The following SAMD12 variants were observed in gnomAD, a reference collection of about 807,000 sequenced individuals.
SAMD12 encodes sterile alpha motif domain containing 12.
SAMD12 carries 9 observed loss-of-function variants against 15.0 expected under a neutral mutation model. The ratio of observed to expected loss-of-function variants is 0.60; its 90% CI spans 0.36 to 1.05. SAMD12 has a LOEUF of 1.05. Ranked by LOEUF, SAMD12 falls within the 50% of genes least tolerant of loss-of-function variation. SAMD12 has a pLI of 0.01. For missense variants in SAMD12, 230 were observed against 234.2 expected (o/e 0.98, Z 0.12); for synonymous variants, 86 against 90.1 (o/e 0.96, Z 0.25).
chr8:118,523,028 G>A (rs1425634473), intron 2 of SAMD12, among the ~76,000 whole-genome samples: 1 of 152,080 alleles, frequency 6.6e-6, no homozygotes, highest in African/African-American at 2.4e-5. Context: ...ATTTTATTGG[G>A]CTTTACAAAA....
intron 3 of SAMD12, among the ~76,000 whole-genome samples, chr8:118,421,245 G>A (rs2130844527): frequency 6.6e-6 from 1 of 152,210 alleles, no homozygotes; most frequent in Admixed American, 6.5e-5. Context: ...GCATATAGTA[G>A]ATGCTCAATA....
intron 4 of SAMD12, among the ~76,000 whole-genome samples, chr8:118,211,203 G>T (rs539691631): frequency 6.6e-6 from 1 of 152,316 alleles, no homozygotes; most frequent in African/African-American, 2.4e-5. Context: ...GGAAGGGATT[G>T]TGTTTAAGCA....
At chr8:118,352,784 A>C (rs1818020533) in intron 4 of SAMD12, among the ~76,000 whole-genome samples, 1 of 152,180 alleles carries the variant, frequency 6.6e-6, no homozygotes, top group African/African-American at 2.4e-5. Context: ...TGCACTAAGA[A>C]ATGCAGCTAA....
At chr8:118,483,218 A>G (rs1353247803) in intron 2 of SAMD12, among the ~76,000 whole-genome samples, 1 of 152,234 alleles carries the variant, frequency 6.6e-6, no homozygotes, top group Non-Finnish European at 1.5e-5. Flanking sequence ...AATCAAGACA[A>G]TAACTGGGAG....
the SAMD12 span, among the ~76,000 whole-genome samples, chr8:118,175,492 T>G: frequency 1.3e-5 from 2 of 152,200 alleles, no homozygotes. Flanking sequence ...ATTTGACAAG[T>G]GGGAGCTTAT....
chr8:118,284,360 T>G (rs1405768473), intron 4 of SAMD12: 11 of 455,988 alleles, frequency 2.4e-5, no homozygotes, highest in Admixed American at 4.7e-5. Flanking sequence ...TTCTGTAAAT[T>G]TTCACACTGA....
chr8:118,165,141 A>C, the SAMD12 span, among the ~76,000 whole-genome samples: 1 of 152,180 alleles, frequency 6.6e-6, no homozygotes, highest in African/African-American at 2.4e-5. Context: ...CTCACTTCAG[A>C]TGTTAACTGC....
intron 2 of SAMD12, among the ~76,000 whole-genome samples, chr8:118,474,276 T>A (rs1446248800): frequency 6.6e-6 from 1 of 152,092 alleles, no homozygotes; most frequent in Non-Finnish European, 1.5e-5. Context: ...CTATTTTTAT[T>A]CAAAGCCCAA....
intron 1 of SAMD12, among the ~76,000 whole-genome samples, chr8:118,620,587 C>T (rs896839318): frequency 1.3e-5 from 2 of 152,122 alleles, no homozygotes; most frequent in Admixed American, 1.3e-4. Flanking sequence ...AAGAGTTTCC[C>T]GAGTTTATGG....
intron 4 of SAMD12, among the ~76,000 whole-genome samples, chr8:118,330,480 TGAAGAAA>T (rs1195206281): frequency 6.6e-6 from 1 of 152,084 alleles, no homozygotes; most frequent in Admixed American, 6.5e-5. Context: ...AAACATGGAA[TGAAGAAA>T]GTTCCTCAAC....
At chr8:118,515,120 G>A (rs1292913330) in intron 2 of SAMD12, among the ~76,000 whole-genome samples, 5 of 150,964 alleles carry the variant, frequency 3.3e-5, no homozygotes, top group Non-Finnish European at 4.4e-5. Context: ...CTGGGTTCAC[G>A]CCATTCTCCT....
chr8:118,319,865 T>G (rs1816141689), intron 4 of SAMD12, among the ~76,000 whole-genome samples: 1 of 152,168 alleles, frequency 6.6e-6, no homozygotes, highest in Non-Finnish European at 1.5e-5. Flanking sequence ...GCCTCTGGGA[T>G]AGAAAGGTGA....
At chr8:118,189,569 C>G (rs993284413) in exon 5 of SAMD12, 1 of 152,060 alleles carries the variant, frequency 6.6e-6, no homozygotes, top group African/African-American at 2.4e-5. Context: ...GATTTTCCAG[C>G]CTGATAGAGA....
intron 3 of SAMD12, among the ~76,000 whole-genome samples, chr8:118,403,077 C>G (rs907029215): frequency 6.6e-6 from 1 of 152,236 alleles, no homozygotes; most frequent in Non-Finnish European, 1.5e-5. Context: ...CTAAGCTTCT[C>G]TCGTGATTTA....
chr8:118,185,668 C>T (rs1270947986), downstream of SAMD12, among the ~76,000 whole-genome samples: 2 of 152,168 alleles, frequency 1.3e-5, no homozygotes, highest in African/African-American at 4.8e-5. Flanking sequence ...TTCCAAACCC[C>T]TAATATTCCA....
intron 2 of SAMD12, among the ~76,000 whole-genome samples, chr8:118,479,606 G>A (rs569301351): frequency 5.3e-5 from 8 of 152,006 alleles, no homozygotes; most frequent in African/African-American, 7.3e-5. Context: ...GATTTGGGTG[G>A]GGACACAGAG....
chr8:118,523,536 G>C (rs1034923431), intron 2 of SAMD12, among the ~76,000 whole-genome samples: 7 of 151,346 alleles, frequency 4.6e-5, no homozygotes, highest in African/African-American at 1.7e-4. Flanking sequence ...TTCCTCTCTC[G>C]CACATGCCTT....
At chr8:118,551,858 C>T (rs1361092027) in intron 2 of SAMD12, among the ~76,000 whole-genome samples, 2 of 151,628 alleles carry the variant, frequency 1.3e-5, no homozygotes, top group African/African-American at 4.9e-5. Flanking sequence ...ACCACCGATC[C>T]CACAGAAATA....
At chr8:118,598,524 T>C (rs1466506747) in intron 1 of SAMD12, among the ~76,000 whole-genome samples, 1 of 152,230 alleles carries the variant, frequency 6.6e-6, no homozygotes, top group Non-Finnish European at 1.5e-5. Context: ...ACCCAGTCTG[T>C]GATATTTTGT....
Sources: gnomAD v4.1 joint callset for allele counts (sites outside exome capture counted in the v4.1 genomes callset) on GRCh38, gnomAD v4.1.1 for gene constraint, MANE v1.5 for transcripts, NCBI Gene and HGNC (gene_info 2026-07-23, HGNC 2026-07-21) for gene names.